The following FRMD5 variants were observed in gnomAD, a reference collection of about 807,000 sequenced individuals.
The protein encoded by FRMD5 is FERM domain containing 5, also known as FERM domain-containing protein 5.
In FRMD5, 20 loss-of-function variants were observed where a neutral mutation model predicts 69.0. The ratio of observed to expected loss-of-function variants is 0.29; its 90% CI spans 0.20 to 0.42. The LOEUF (loss-of-function observed/expected upper bound fraction) is 0.42. FRMD5 is among the 10% of genes least tolerant of loss of function. FRMD5 has a pLI of 1.00. For missense variants in FRMD5, 595 were observed against 708.6 expected, an observed-to-expected ratio of 0.84 and a Z score of 1.82; for synonymous variants, 271 against 260.1, an observed-to-expected ratio of 1.04 and a Z score of -0.40.
chr15:44,148,966 C>T (rs773573748), intron 1 of FRMD5, among the ~76,000 whole-genome samples: 14 of 152,120 alleles, frequency 9.2e-5, no homozygotes, highest in East Asian at 1.9e-4. Context: ...GAGACTTATA[C>T]GTTTTAAAAA....
At chr15:44,145,348 A>T (rs948096694) in intron 1 of FRMD5, among the ~76,000 whole-genome samples, 1 of 152,216 alleles carries the variant, frequency 6.6e-6, no homozygotes, top group African/African-American at 2.4e-5. Context: ...GCATTTCTTT[A>T]AAAACTCACT....
chr15:43,925,843 A>G lies in FRMD5; in HGVS notation c.103-1534T>C, dbSNP rs551893573. 1.5e-4 allele frequency among the ~76,000 whole-genome samples: 23 copies of G among 152,348 alleles called. No homozygotes were observed. The South Asian group carries it at 4.6e-3, about 30-fold the overall frequency. ...CCTATTTTTTGAGGACTCAGCTCAA[A>G]TGTCCCCTCTTCAGAGAGGCCTTTC... On this transcript the variant is annotated intron_variant, in intron 1 of 13. Transcript: ENST00000417257.
chr15:43,987,162 C>A (rs1889433662), intron 1 of FRMD5, among the ~76,000 whole-genome samples: 1 of 152,174 alleles, frequency 6.6e-6, no homozygotes. Flanking sequence ...CAATTAATAA[C>A]CCTACTACGG....
At chr15:43,875,661 A>G (rs2088322927) in intron 13 of FRMD5, among the ~76,000 whole-genome samples, 1 of 151,744 alleles carries the variant, frequency 6.6e-6, no homozygotes, top group Non-Finnish European at 1.5e-5. Flanking sequence ...TATTTTGAGT[A>G]GAGACGGGGT....
chr15:44,152,743 A>G (rs1320789238), intron 1 of FRMD5, among the ~76,000 whole-genome samples: 3 of 152,150 alleles, frequency 2.0e-5, no homozygotes, highest in Non-Finnish European at 4.4e-5. Flanking sequence ...CCATCTGGAG[A>G]TAGTCTTTTG....
At chr15:44,122,069 C>T (rs1057467264) in intron 1 of FRMD5, among the ~76,000 whole-genome samples, 5 of 150,900 alleles carry the variant, frequency 3.3e-5, no homozygotes, top group Non-Finnish European at 7.4e-5. Flanking sequence ...AAATCACATT[C>T]CTAAATTATA....
intron 1 of FRMD5, among the ~76,000 whole-genome samples, chr15:43,978,008 C>A (rs921048941): frequency 8.6e-5 from 13 of 151,972 alleles, no homozygotes; most frequent in Admixed American, 2.0e-4. Flanking sequence ...CCCATAGAAA[C>A]TTTATTATAA....
At chr15:43,946,453 C>T (rs1020006724) in intron 1 of FRMD5, among the ~76,000 whole-genome samples, 1 of 152,196 alleles carries the variant, frequency 6.6e-6, no homozygotes, top group Non-Finnish European at 1.5e-5. Flanking sequence ...TATTTACACA[C>T]ATTATTTCTA....
chr15:44,062,058 T>C (rs1204747493), intron 1 of FRMD5, among the ~76,000 whole-genome samples: 2 of 152,202 alleles, frequency 1.3e-5, no homozygotes, highest in African/African-American at 4.8e-5. Flanking sequence ...GTGCAGGAAA[T>C]ACAATCTGAA....
intron 13 of FRMD5, chr15:43,875,803 A>ATTTTTTTTTTTT: frequency 2.1e-6 from 1 of 467,804 alleles, no homozygotes; most frequent in Admixed American, 4.8e-5. Flanking sequence ...TCCTGGGCCT[A>ATTTTTTTTTTTT]GTTTTTTTTT....
At chr15:44,191,479 G>C (rs1215461472) in intron 1 of FRMD5, among the ~76,000 whole-genome samples, 1 of 151,980 alleles carries the variant, frequency 6.6e-6, no homozygotes. Flanking sequence ...CCAGCTACTC[G>C]GGAGGTTGAG....
chr15:44,168,436 T>C (rs576261028), intron 1 of FRMD5, among the ~76,000 whole-genome samples: 1 of 152,360 alleles, frequency 6.6e-6, no homozygotes, highest in African/African-American at 2.4e-5. Flanking sequence ...ATCATGCATA[T>C]AGACTTGCTC....
At chr15:44,193,240 G>A (rs527984839) in intron 1 of FRMD5, among the ~76,000 whole-genome samples, 18 of 151,966 alleles carry the variant, frequency 1.2e-4, no homozygotes, top group Non-Finnish European at 2.2e-4. Context: ...GACCTGCCTC[G>A]GAAATTATTT....
At chr15:44,131,694 AG>A (rs1173940084) in intron 1 of FRMD5, among the ~76,000 whole-genome samples, 1 of 134,196 alleles carries the variant, frequency 7.5e-6, no homozygotes, top group Non-Finnish European at 1.7e-5. Flanking sequence ...AGTCACAAAA[AG>A]AGAAATACTG....
intron 1 of FRMD5, among the ~76,000 whole-genome samples, chr15:44,188,533 C>T (rs1039217838): frequency 6.6e-6 from 1 of 152,148 alleles, no homozygotes; most frequent in Non-Finnish European, 1.5e-5. Context: ...TGAACTCCAT[C>T]CCCGGAGTTT....
At chr15:43,878,934 T>C (rs1417509553) in intron 13 of FRMD5, among the ~76,000 whole-genome samples, 2 of 104,124 alleles carry the variant, frequency 1.9e-5, no homozygotes, top group Non-Finnish European at 3.5e-5. Context: ...TTTCTTTTCT[T>C]TTTTTTTTTT....
chr15:43,927,471 G>T (rs966978245), intron 1 of FRMD5, among the ~76,000 whole-genome samples: 1 of 152,332 alleles, frequency 6.6e-6, no homozygotes, highest in Non-Finnish European at 1.5e-5. Context: ...AAAGGACTCC[G>T]TCAGAACTTT....
intron 1 of FRMD5, among the ~76,000 whole-genome samples, chr15:43,966,904 G>A (rs1449202176): frequency 6.6e-6 from 1 of 152,160 alleles, no homozygotes; most frequent in African/African-American, 2.4e-5. Context: ...GTTGCAGAAA[G>A]TTTACAGAGG....
chr15:43,918,155 G>T (rs1029706323), intron 4 of FRMD5, among the ~76,000 whole-genome samples: 1 of 152,202 alleles, frequency 6.6e-6, no homozygotes, highest in Non-Finnish European at 1.5e-5. Flanking sequence ...GCCGGGCACG[G>T]TGGCTCATGC....
Sources: gnomAD v4.1 joint callset for allele counts (sites outside exome capture counted in the v4.1 genomes callset) on GRCh38, gnomAD v4.1.1 for gene constraint, MANE v1.5 for transcripts, NCBI Gene and HGNC (gene_info 2026-07-23, HGNC 2026-07-21) for gene names.